The following NTNG1 variants were observed in gnomAD, a reference collection of about 807,000 sequenced individuals.
NTNG1 encodes the protein netrin-G1.
In NTNG1, 16 loss-of-function variants were observed where a neutral mutation model predicts 54.0. The ratio of observed to expected loss-of-function variants is 0.30; its 90% CI spans 0.20 to 0.45. The LOEUF (loss-of-function observed/expected upper bound fraction) is 0.45, where lower values mean the gene tolerates loss of function less well. Ranked by LOEUF, NTNG1 falls within the 20% of genes least tolerant of loss-of-function variation. The probability of loss-of-function intolerance (pLI) is 1.00; values close to 1 mark genes in which losing one functional copy is unlikely to be tolerated. For synonymous variants in NTNG1, 255 were observed against 263.1 expected (o/e 0.97, Z 0.30); for missense variants, 530 against 678.7 (o/e 0.78, Z 2.43).
chr1:107,454,185 A>G (rs1158834178), intron 7 of NTNG1, among the ~76,000 whole-genome samples: 3 of 152,188 alleles, frequency 2.0e-5, no homozygotes, highest in African/African-American at 4.8e-5. Context: ...ACAGAGAAAG[A>G]GACTTTAGGA....
chr1:107,405,754 C>A (rs1673375962), intron 4 of NTNG1, among the ~76,000 whole-genome samples: 1 of 152,044 alleles, frequency 6.6e-6, no homozygotes, highest in Admixed American at 6.6e-5. Context: ...TTACAACAGG[C>A]AAGCAGTGCG....
intron 2 of NTNG1, among the ~76,000 whole-genome samples, chr1:107,179,061 C>G (rs991162346): frequency 6.6e-6 from 1 of 152,068 alleles, no homozygotes; most frequent in South Asian, 2.1e-4. Context: ...CTTTTTTAGC[C>G]CTGCCCTCCC....
intron 2 of NTNG1, among the ~76,000 whole-genome samples, chr1:107,202,864 T>G (rs1438435527): frequency 6.6e-6 from 1 of 151,924 alleles, no homozygotes; most frequent in African/African-American, 2.4e-5. Flanking sequence ...TCTCAAAAGT[T>G]TTCCCTTTTT....
chr1:107,418,136 C>T (rs1674338888), intron 5 of NTNG1, among the ~76,000 whole-genome samples: 1 of 151,986 alleles, frequency 6.6e-6, no homozygotes, highest in Admixed American at 6.6e-5. Context: ...ACACTTAAAA[C>T]ATACCCCGAA....
chr1:107,243,798 T>C (rs895401272), intron 2 of NTNG1, among the ~76,000 whole-genome samples: 1 of 151,996 alleles, frequency 6.6e-6, no homozygotes, highest in South Asian at 2.1e-4. Flanking sequence ...AATATATGAC[T>C]CTGCACTCGA....
chr1:107,306,392 ACCT>A (rs1666697527), intron 2 of NTNG1, among the ~76,000 whole-genome samples: 1 of 152,194 alleles, frequency 6.6e-6, no homozygotes, highest in South Asian at 2.1e-4. Flanking sequence ...AGTGTTCAGT[ACCT>A]TCATGTGGCT....
chr1:107,414,609 A>G (rs1403587911), intron 5 of NTNG1, among the ~76,000 whole-genome samples: 1 of 152,174 alleles, frequency 6.6e-6, no homozygotes, highest in Non-Finnish European at 1.5e-5. Flanking sequence ...AAGAACAATT[A>G]ATACTGAAAA....
intron 2 of NTNG1, among the ~76,000 whole-genome samples, chr1:107,301,362 G>A (rs1168459404): frequency 6.6e-6 from 1 of 152,066 alleles, no homozygotes; most frequent in Non-Finnish European, 1.5e-5. Context: ...AACACAAACA[G>A]AGGAGGAATG....
rs1007034655 is a variant in NTNG1 at position 107,319,832 on chromosome 1, G to A, written c.247-4450G>A. ...AGGCAAAGTCAAAATGATAGCAACCGGAAGTGTTACATTAATATCGCTTAC... is the reference window on the plus strand; with the variant it reads ...AGGCAAAGTCAAAATGATAGCAACCAGAAGTGTTACATTAATATCGCTTAC... On this transcript the variant is annotated intron_variant, in intron 2 of 7. Coordinates refer to ENST00000370068, the MANE Select transcript of NTNG1 (RefSeq NM_001113226.3). Among the ~76,000 whole-genome samples, 9 of 149,778 alleles carry A rather than the reference G, an allele frequency of 6.0e-5. 1 individual carries two copies. Among genetic ancestry groups the A allele is most frequent in the African/African-American group, 1.2e-4 (5 of 40,678 alleles).
intron 1 of NTNG1, among the ~76,000 whole-genome samples, chr1:107,146,131 T>C (rs989458787): frequency 6.6e-6 from 1 of 152,048 alleles, no homozygotes; most frequent in Non-Finnish European, 1.5e-5. Flanking sequence ...TTCAAACTAA[T>C]ATTAAAAATA....
chr1:107,292,893 T>C (rs1557875110), intron 2 of NTNG1, among the ~76,000 whole-genome samples: 2 of 152,116 alleles, frequency 1.3e-5, no homozygotes, highest in Non-Finnish European at 1.5e-5. Flanking sequence ...CTTCCAAGTG[T>C]AATTTCCTTC....
intron 2 of NTNG1, among the ~76,000 whole-genome samples, chr1:107,182,700 C>A (rs1657161449): frequency 6.6e-6 from 1 of 152,044 alleles, no homozygotes; most frequent in Admixed American, 6.6e-5. Context: ...GCACAGGAGA[C>A]CCGATCTACA....
Position 107,436,657 on chromosome 1 carries a change from T to C in NTNG1, c.1256-8T>C, listed in dbSNP as rs765424909. On this transcript the variant is annotated splice_region_variant and splice_polypyrimidine_tract_variant and intron_variant, in intron 6 of 7. Coordinates refer to ENST00000370068, the MANE Select transcript of NTNG1 (RefSeq NM_001113226.3). ...GTCTCCAGCCTGTGTGTTGTCTTGT[T>C]TCTACAGAGTGTTATTGTAACCCTT... 1 of 1,612,184 alleles carries C rather than the reference T, an allele frequency of 6.2e-7. No homozygotes were observed. The highest frequency in any genetic ancestry group is 2.2e-5 in the East Asian group (1 of 44,798).
Position 107,357,036 on chromosome 1 carries a change from T to G in NTNG1, c.887+32114T>G, listed in dbSNP as rs936118926. On this transcript the variant is annotated intron_variant, in intron 3 of 7. Coordinates refer to ENST00000370068, the MANE Select transcript of NTNG1 (RefSeq NM_001113226.3). ...AAGACCAATCTGATGATGGGGAGAATTTTAACAAGTCTGTCTCCATCTGGG... is the reference window on the plus strand; with the variant it reads ...AAGACCAATCTGATGATGGGGAGAAGTTTAACAAGTCTGTCTCCATCTGGG... 9.9e-5 allele frequency among the ~76,000 whole-genome samples: 15 copies of G among 152,164 alleles called. No individual in the cohort carries two copies. In the Middle Eastern group the frequency reaches 0.014, roughly 138 times the overall value.
intron 2 of NTNG1, among the ~76,000 whole-genome samples, chr1:107,268,755 T>C (rs973232771): frequency 6.6e-6 from 1 of 152,178 alleles, no homozygotes; most frequent in African/African-American, 2.4e-5. Flanking sequence ...CCCACCTCCT[T>C]CCCAAAACCA....
chr1:107,365,997 A>G (rs764534501), intron 3 of NTNG1, among the ~76,000 whole-genome samples: 17 of 152,172 alleles, frequency 1.1e-4, no homozygotes, highest in Non-Finnish European at 1.9e-4. Context: ...CTTCCTTTCC[A>G]GTAAGCTGAT....
At chr1:107,460,522 T>A (rs1034454484) in intron 7 of NTNG1, 7 of 454,338 alleles carry the variant, frequency 1.5e-5, no homozygotes, top group Admixed American at 1.2e-4. Flanking sequence ...TAATATTGAC[T>A]TCTTACGAAT....
At chr1:107,267,541 A>G (rs373095086) in intron 2 of NTNG1, among the ~76,000 whole-genome samples, 1 of 152,124 alleles carries the variant, frequency 6.6e-6, no homozygotes, top group East Asian at 1.9e-4. Flanking sequence ...ACGTCTATCA[A>G]TTCTAACTTC....
intron 2 of NTNG1, among the ~76,000 whole-genome samples, chr1:107,316,118 A>T (rs1313471801): frequency 6.6e-6 from 1 of 152,138 alleles, no homozygotes; most frequent in Non-Finnish European, 1.5e-5. Context: ...AAAATTTAGA[A>T]TTTCTGAAGC....
Sources: allele counts gnomAD v4.1 joint callset (sites outside exome capture counted in the v4.1 genomes callset), GRCh38; gene constraint gnomAD v4.1.1; transcripts MANE v1.5; gene names NCBI Gene and HGNC (gene_info 2026-07-23, HGNC 2026-07-21).